The following PEBP4 variants were observed in gnomAD, a reference collection of about 807,000 sequenced individuals.
The protein encoded by PEBP4 is phosphatidylethanolamine binding protein 4, also known as phosphatidylethanolamine-binding protein 4.
Under a neutral mutation model 23.9 loss-of-function variants are expected in PEBP4, and 22 were observed. The observed-to-expected ratio is 0.92, with a 90% CI of 0.66 to 1.31. The LOEUF is 1.31. PEBP4 is among the 40% of genes most tolerant of loss of function. The pLI is 0.00. For missense variants in PEBP4, 324 were observed against 281.7 expected (o/e 1.15, Z -1.07); for synonymous variants, 112 against 99.3 (o/e 1.13, Z -0.76).
At chr8:22,860,194 A>ATATATATACACACATATATG in intron 3 of PEBP4, among the ~76,000 whole-genome samples, 1 of 97,588 alleles carries the variant, frequency 1.0e-5, no homozygotes, top group Non-Finnish European at 1.8e-5. Context: ...ATATATATGT[A>ATATATATACACACATATATG]TATATATATA....
intron 4 of PEBP4, among the ~76,000 whole-genome samples, chr8:22,774,554 G>T (rs889726541): frequency 1.3e-5 from 2 of 152,186 alleles, no homozygotes; most frequent in African/African-American, 2.4e-5. Flanking sequence ...AGGGAAGGAG[G>T]CCCCGCAGGG....
chr8:22,914,242 A>G (rs548520990), intron 3 of PEBP4, among the ~76,000 whole-genome samples: 3 of 152,158 alleles, frequency 2.0e-5, no homozygotes, highest in Non-Finnish European at 4.4e-5. Flanking sequence ...TCAGCCTCCC[A>G]AAGTGCTGGG....
intron 5 of PEBP4, among the ~76,000 whole-genome samples, chr8:22,726,807 C>A (rs1312003759): frequency 6.7e-6 from 1 of 149,356 alleles, no homozygotes; most frequent in Non-Finnish European, 1.5e-5. Context: ...CTGAGCATCC[C>A]TTTCAAGGTA....
At chr8:22,779,893 G>T (rs1805882757) in intron 4 of PEBP4, among the ~76,000 whole-genome samples, 1 of 152,200 alleles carries the variant, frequency 6.6e-6, no homozygotes, top group Admixed American at 6.5e-5. Flanking sequence ...CAACTGCTCA[G>T]TAGTTTGCCA....
At chr8:22,891,150 T>C (rs1374954806) in intron 3 of PEBP4, among the ~76,000 whole-genome samples, 3 of 152,134 alleles carry the variant, frequency 2.0e-5, no homozygotes, top group African/African-American at 7.2e-5. Context: ...TTAAATAGGA[T>C]AACATATGCA....
At chr8:22,879,245 A>G (rs930981356) in intron 3 of PEBP4, 1 of 152,228 alleles carries the variant, frequency 6.6e-6, no homozygotes, top group Non-Finnish European at 1.5e-5. Flanking sequence ...AGCACTCAAC[A>G]TATTGCATTG....
At chr8:22,721,270 C>T (rs1453624342) in intron 6 of PEBP4, among the ~76,000 whole-genome samples, 2 of 152,160 alleles carry the variant, frequency 1.3e-5, no homozygotes. Context: ...TAGTCTAACC[C>T]TGTATCTTGA....
intron 3 of PEBP4, chr8:22,884,882 A>G (rs1808342658): frequency 6.6e-6 from 1 of 152,172 alleles, no homozygotes; most frequent in African/African-American, 2.4e-5. Context: ...ATCTCTGCTC[A>G]TTCAAGTCCT....
intron 3 of PEBP4, among the ~76,000 whole-genome samples, chr8:22,892,612 C>T (rs1461896986): frequency 1.3e-5 from 2 of 152,164 alleles, no homozygotes; most frequent in Non-Finnish European, 2.9e-5. Context: ...AGGTTGTAGG[C>T]TACAGAGCCT....
intron 4 of PEBP4, among the ~76,000 whole-genome samples, chr8:22,780,124 CA>C (rs1563213855): frequency 6.6e-6 from 1 of 151,944 alleles, no homozygotes. Context: ...CTATCACATC[CA>C]GCTAATTTTT....
In PEBP4 at chr8:22,927,593, A is replaced by T; in HGVS notation, c.122T>A (p.Leu41His). Residue 41 changes from leucine (L) to histidine (H), a missense_variant, in exon 2 of 7, where the codon CTC becomes CAC. Transcript: ENST00000256404. ...AHEALLDEDT[L>H]FCQGLEVFYP... ...GCCTGCCCTGACTTACTGGCAAAAGAGGGTGTCCTCGTCCAAGAGGGCCTC... is the reference window on the plus strand; with the variant it reads ...GCCTGCCCTGACTTACTGGCAAAAGTGGGTGTCCTCGTCCAAGAGGGCCTC... 6.2e-7 allele frequency: 1 copy of T among 1,610,532 alleles called. No homozygotes were observed. The highest frequency in any genetic ancestry group is 2.2e-5 in the East Asian group (1 of 44,728).
intron 4 of PEBP4, among the ~76,000 whole-genome samples, chr8:22,796,425 CGTTAA>C (rs1554486512): frequency 6.6e-6 from 1 of 152,160 alleles, no homozygotes. Context: ...AGTAAATCAT[CGTTAA>C]GTTGAGCGGA....
chr8:22,718,850 A>C (rs1158018075), intron 6 of PEBP4, among the ~76,000 whole-genome samples: 1 of 152,040 alleles, frequency 6.6e-6, no homozygotes, highest in Non-Finnish European at 1.5e-5. Context: ...TCTTCCCTCC[A>C]TGCTTCCTGA....
At chr8:22,739,228 C>T (rs1804937696) in intron 4 of PEBP4, among the ~76,000 whole-genome samples, 1 of 152,184 alleles carries the variant, frequency 6.6e-6, no homozygotes. Flanking sequence ...ACCCCAGGTG[C>T]TGCCCTCCTC....
chr8:22,791,863 CT>C (rs33966538), intron 4 of PEBP4, among the ~76,000 whole-genome samples: 62,452 of 147,794 alleles, frequency 0.42, 13,138 homozygotes, highest in African/African-American at 0.49. Flanking sequence ...GCACTGGATT[CT>C]TTTTTTTTTT....
rs868805008 is a variant in PEBP4 at position 22,865,288 on chromosome 8, C to G, written c.259-47553G>C. Among the ~76,000 whole-genome samples, 46 of 152,146 alleles carry G rather than the reference C, an allele frequency of 3.0e-4. No individual in the cohort carries two copies. Among genetic ancestry groups the G allele is most frequent in the African/African-American group, 9.9e-4 (41 of 41,536 alleles). The stretch of plus-strand genomic sequence containing the variant: ...AAACAACTCCTTGCTCAGGGCAGCC[C>G]GGGAAGAGCGGCGGGCGGATGGGAA... On this transcript the variant is annotated intron_variant, in intron 3 of 6. Transcript: ENST00000256404. The surrounding 1 kb of genome is among the most constrained non-coding windows in gnomAD (Gnocchi z 6.9).
chr8:22,737,331 GAGCCATTCAGGCTTCCACCTGC>G (rs1804887039), intron 4 of PEBP4, among the ~76,000 whole-genome samples: 1 of 148,912 alleles, frequency 6.7e-6, no homozygotes, highest in South Asian at 2.1e-4. Context: ...TAAAAAGAAT[GAGCCATTCAGGCTTCCACCTGC>G]CCCAGCCTCC....
chr8:22,795,617 T>C (rs1198389405), intron 4 of PEBP4, among the ~76,000 whole-genome samples: 1 of 152,242 alleles, frequency 6.6e-6, no homozygotes, highest in East Asian at 1.9e-4. Flanking sequence ...TAAGGTCCAA[T>C]AAAGATCATT....
chr8:22,817,852 G>T (rs149162916), intron 3 of PEBP4, 117 bp from the exon 4 acceptor site: 4 of 833,986 alleles, frequency 4.8e-6, no homozygotes, highest in Non-Finnish European at 5.9e-6. Context: ...CCCCTATGGC[G>T]TCCCATCCAG....
Sources: allele counts gnomAD v4.1 joint callset (sites outside exome capture counted in the v4.1 genomes callset), GRCh38; gene constraint gnomAD v4.1.1; non-coding constraint Gnocchi (gnomAD v3.1); transcripts MANE v1.5; gene names NCBI Gene and HGNC (gene_info 2026-07-23, HGNC 2026-07-21).